DPP10: variants seen among roughly 807,000 people sequenced by gnomAD.
The protein encoded by DPP10 is inactive dipeptidyl peptidase 10.
DPP10 carries 33 observed loss-of-function variants against 120.9 expected under a neutral mutation model. The ratio of observed to expected loss-of-function variants is 0.27; its 90% confidence interval spans 0.21 to 0.37. The LOEUF is 0.37. Ranked by LOEUF, DPP10 falls within the 10% of genes least tolerant of loss-of-function variation. The pLI, the probability that DPP10 is intolerant of heterozygous loss-of-function variation, is 1.00. For missense variants in DPP10, 816 were observed against 942.8 expected, an observed-to-expected ratio of 0.87 and a Z score of 1.76; for synonymous variants, 337 against 326.1, an observed-to-expected ratio of 1.03 and a Z score of -0.36.
intron 1 of DPP10, among the ~76,000 whole-genome samples, chr2:115,205,302 C>T (rs1439501748): frequency 6.6e-6 from 1 of 152,226 alleles, no homozygotes; most frequent in Admixed American, 6.5e-5. Context: ...TTTTATTCTT[C>T]TGCATATGGT....
chr2:115,447,336 C>G (rs2072699764), intron 3 of DPP10, among the ~76,000 whole-genome samples: 2 of 152,160 alleles, frequency 1.3e-5, no homozygotes, highest in Non-Finnish European at 2.9e-5. Flanking sequence ...GCGGAAGGGA[C>G]TTGCTCTGTC....
At chr2:114,584,386 A>G (rs2105108038) in intron 1 of DPP10, among the ~76,000 whole-genome samples, 1 of 152,136 alleles carries the variant, frequency 6.6e-6, no homozygotes, top group South Asian at 2.1e-4. Context: ...ACCTTTATTT[A>G]TTTGTTTATT....
chr2:115,242,652 C>T lies in DPP10; in HGVS notation c.61-66587C>T, dbSNP rs372146468. ...GCAGTGTAGAGGTGTTCCCATTTCA[C>T]CACATCCATGCCAACATCTATTTTT... On this transcript the variant is annotated intron_variant, in intron 1 of 25. Transcript: ENST00000410059. 9.2e-5 allele frequency among the ~76,000 whole-genome samples: 14 copies of T among 151,616 alleles called. No individual in the cohort carries two copies. In the East Asian group the frequency reaches 2.5e-3, roughly 27 times the overall value.
At chr2:114,936,190 T>G (rs1696453406) in intron 1 of DPP10, among the ~76,000 whole-genome samples, 1 of 152,052 alleles carries the variant, frequency 6.6e-6, no homozygotes, top group African/African-American at 2.4e-5. Context: ...ATTTTATGCC[T>G]TTGCTTCCTC....
intron 3 of DPP10, among the ~76,000 whole-genome samples, chr2:115,419,914 T>C (rs2104667252): frequency 6.6e-6 from 1 of 152,306 alleles, no homozygotes; most frequent in East Asian, 1.9e-4. Flanking sequence ...TGGTTGAATC[T>C]TTACCTCTTG....
chr2:114,466,682 C>A (rs181155226), intron 1 of DPP10, among the ~76,000 whole-genome samples: 5 of 152,114 alleles, frequency 3.3e-5, no homozygotes, highest in Admixed American at 1.3e-4. Flanking sequence ...TAAGCACCAG[C>A]GAATGTGAAC....
chr2:115,079,328 T>C (rs1423785416), intron 1 of DPP10, among the ~76,000 whole-genome samples: 1 of 148,766 alleles, frequency 6.7e-6, no homozygotes, highest in Non-Finnish European at 1.5e-5. Flanking sequence ...TGCAGTGAGC[T>C]GCACTCCAGC....
intron 1 of DPP10, among the ~76,000 whole-genome samples, chr2:115,061,867 A>G (rs1376535222): frequency 1.3e-5 from 2 of 152,192 alleles, no homozygotes; most frequent in Admixed American, 6.5e-5. Context: ...TGTCTTTTAC[A>G]TAACAATATT....
intron 1 of DPP10, among the ~76,000 whole-genome samples, chr2:114,852,726 C>T (rs1299161992): frequency 6.6e-5 from 10 of 152,102 alleles, no homozygotes; most frequent in Admixed American, 6.6e-4. Flanking sequence ...TCCAGAGCTG[C>T]TTTTGATCAG....
chr2:114,879,984 G>C (rs1397047356), intron 1 of DPP10, among the ~76,000 whole-genome samples: 2 of 152,114 alleles, frequency 1.3e-5, no homozygotes, highest in Non-Finnish European at 2.9e-5. Context: ...AGCAATCCTG[G>C]TTTAGATGAC....
intron 5 of DPP10, among the ~76,000 whole-genome samples, chr2:115,538,906 T>C (rs2079023633): frequency 1.3e-5 from 2 of 152,072 alleles, no homozygotes; most frequent in East Asian, 3.9e-4. Context: ...ATATTAATTA[T>C]GTATCATATT....
At chr2:115,080,467 C>T (rs1429548157) in intron 1 of DPP10, among the ~76,000 whole-genome samples, 2 of 152,068 alleles carry the variant, frequency 1.3e-5, no homozygotes, top group Non-Finnish European at 2.9e-5. Context: ...AAATTATGGC[C>T]CCTGGACTAC....
At chr2:114,589,930 T>C (rs1267535289) in intron 1 of DPP10, among the ~76,000 whole-genome samples, 1 of 152,042 alleles carries the variant, frequency 6.6e-6, no homozygotes, top group African/African-American at 2.4e-5. Flanking sequence ...CAAGTATATC[T>C]ACTGGGGATA....
At chr2:115,699,874 T>C (rs939903970) in intron 7 of DPP10, among the ~76,000 whole-genome samples, 2 of 152,206 alleles carry the variant, frequency 1.3e-5, no homozygotes, top group Non-Finnish European at 1.5e-5. Context: ...ATTCAATATA[T>C]AAAAAACTGA....
chr2:114,711,674 C>T (rs917725808), intron 1 of DPP10, among the ~76,000 whole-genome samples: 2 of 152,084 alleles, frequency 1.3e-5, no homozygotes, highest in Admixed American at 6.5e-5. Flanking sequence ...TACTCTGAGA[C>T]TGTCCACGTT....
intron 1 of DPP10, among the ~76,000 whole-genome samples, chr2:114,569,471 A>G (rs964564727): frequency 6.6e-6 from 1 of 152,214 alleles, no homozygotes; most frequent in Non-Finnish European, 1.5e-5. Context: ...GCTCTAAAAT[A>G]TGTCCTGATA....
chr2:115,761,604 A>G (rs560007685), intron 11 of DPP10, among the ~76,000 whole-genome samples: 16 of 152,206 alleles, frequency 1.1e-4, no homozygotes, highest in African/African-American at 3.6e-4. Flanking sequence ...TACAGATATC[A>G]AGAATGGTTA....
chr2:115,298,110 A>G (rs185423318), intron 1 of DPP10, among the ~76,000 whole-genome samples: 5 of 152,178 alleles, frequency 3.3e-5, no homozygotes, highest in African/African-American at 9.6e-5. Flanking sequence ...CAGTCCAAAT[A>G]TTTTGTGAAT....
intron 1 of DPP10, among the ~76,000 whole-genome samples, chr2:115,270,456 T>G (rs1042005215): frequency 1.3e-5 from 2 of 152,132 alleles, no homozygotes; most frequent in African/African-American, 4.8e-5. Flanking sequence ...CCGTTAGGCT[T>G]TCCCATAGAG....
Sources: allele counts gnomAD v4.1 joint callset (sites outside exome capture counted in the v4.1 genomes callset), GRCh38; gene constraint gnomAD v4.1.1; transcripts MANE v1.5; gene names NCBI Gene and HGNC (gene_info 2026-07-23, HGNC 2026-07-21).